Variants in SEMA5A observed in about 807,000 individuals in gnomAD.
SEMA5A encodes semaphorin-5A.
Under a neutral mutation model 135.5 loss-of-function variants are expected in SEMA5A, and 55 were observed. That is an observed-to-expected ratio of 0.41 (90% CI 0.33 to 0.51). The LOEUF is 0.51. Ranked by LOEUF, SEMA5A falls within the 20% of genes least tolerant of loss-of-function variation. The pLI, the probability that SEMA5A is intolerant of heterozygous loss-of-function variation, is 0.37. For missense variants in SEMA5A, 1,290 were observed against 1,419.9 expected, an observed-to-expected ratio of 0.91 and a Z score of 1.47; for synonymous variants, 580 against 546.5, an observed-to-expected ratio of 1.06 and a Z score of -0.85.
intron 16 of SEMA5A, among the ~76,000 whole-genome samples, chr5:9,076,321 CAT>C (rs748793747): frequency 6.6e-5 from 10 of 151,686 alleles, no homozygotes; most frequent in Non-Finnish European, 1.3e-4. Context: ...ACAAATATCA[CAT>C]GTTTTCACTT....
chr5:9,310,102 G>C (rs1752057614), intron 5 of SEMA5A, among the ~76,000 whole-genome samples: 1 of 152,082 alleles, frequency 6.6e-6, no homozygotes. Context: ...TTGAGAACTT[G>C]CCGAGTACTA....
At chr5:9,384,291 C>T (rs1428313880) in intron 2 of SEMA5A, among the ~76,000 whole-genome samples, 1 of 152,056 alleles carries the variant, frequency 6.6e-6, no homozygotes, top group Non-Finnish European at 1.5e-5. Context: ...AATCATGGAG[C>T]TCTTGCCTCT....
At chr5:9,354,972 G>A (rs1445492095) in intron 3 of SEMA5A, among the ~76,000 whole-genome samples, 3 of 152,040 alleles carry the variant, frequency 2.0e-5, no homozygotes, top group Non-Finnish European at 4.4e-5. Context: ...GGAGAGGAGA[G>A]GTGTGAGGGA....
chr5:9,152,004 T>C (rs1025314644), intron 12 of SEMA5A, among the ~76,000 whole-genome samples: 2 of 152,214 alleles, frequency 1.3e-5, no homozygotes, highest in African/African-American at 4.8e-5. Context: ...TTCAGGTGCA[T>C]GAGAGATGCC....
chr5:9,047,612 A>G (rs960033894), intron 21 of SEMA5A, among the ~76,000 whole-genome samples: 2 of 152,230 alleles, frequency 1.3e-5, no homozygotes, highest in Non-Finnish European at 2.9e-5. Flanking sequence ...CAATTGGCTA[A>G]TAATTTCCTG....
chr5:9,421,847 T>C (rs776468875), intron 2 of SEMA5A, among the ~76,000 whole-genome samples: 122 of 152,352 alleles, frequency 8.0e-4, no homozygotes, highest in Non-Finnish European at 1.4e-3. Context: ...AATTTTCTTA[T>C]GGGCTGCTTG....
intron 5 of SEMA5A, among the ~76,000 whole-genome samples, chr5:9,314,115 AT>A (rs748981525): frequency 6.6e-5 from 10 of 152,200 alleles, no homozygotes; most frequent in Non-Finnish European, 2.9e-5. Context: ...TTAAACAATA[AT>A]TTTTAACTTT....
chr5:9,314,771 C>T (rs1022218735), intron 5 of SEMA5A, among the ~76,000 whole-genome samples: 3 of 152,100 alleles, frequency 2.0e-5, no homozygotes, highest in Non-Finnish European at 2.9e-5. Flanking sequence ...TACAGAACTC[C>T]GTACACAGCC....
rs1379452948 is a variant in SEMA5A, at chr5:9,484,034, C to T, written c.-174-46182G>A. ...ATTCACAGAATCATATTCGGGAAGG[C>T]AGGGTCCCAGGAAGTACTAAATCAA... On this transcript the variant is annotated intron_variant, in intron 1 of 22. Coordinates refer to ENST00000382496, the MANE Select transcript of SEMA5A (RefSeq NM_003966.3). Among the ~76,000 whole-genome samples, 3 of 152,294 alleles carry T rather than the reference C, an allele frequency of 2.0e-5. No homozygotes were observed. The East Asian group carries it at 5.8e-4, about 29-fold the overall frequency.
At position 9,041,200 on chromosome 5, in the gene SEMA5A, CAT is replaced by C. The variant is rs1474841486; in HGVS notation, c.*1695_*1696del. 3 of 152,202 alleles carry C rather than the reference CAT, an allele frequency of 2.0e-5. No individual in the cohort carries two copies. Among genetic ancestry groups the C allele is most frequent in the African/African-American group, 7.2e-5 (3 of 41,438 alleles). 9.4% of individuals were successfully genotyped at this position (152,202 alleles called of 1,614,324 possible). A position where few individuals can be genotyped will look rare whatever the true frequency, so the allele number is the denominator to read the frequency against. ...GAACTCAACAATATTCATTATTAAA[CAT>C]AGAATTCTTCTAACACTTTCTGAAA... On this transcript the variant is annotated 3_prime_UTR_variant, in exon 23 of 23. Coordinates refer to ENST00000382496, the MANE Select transcript of SEMA5A (RefSeq NM_003966.3).
intron 16 of SEMA5A, among the ~76,000 whole-genome samples, chr5:9,070,942 T>C (rs1737737691): frequency 6.6e-6 from 1 of 152,206 alleles, no homozygotes; most frequent in Non-Finnish European, 1.5e-5. Context: ...AATATGTATG[T>C]TACAATTTAC....
chr5:9,498,844 T>C (rs1735436061), intron 1 of SEMA5A: 1 of 152,234 alleles, frequency 6.6e-6, no homozygotes, highest in Admixed American at 6.5e-5. Flanking sequence ...TGATTTGGGC[T>C]GGGTTAGGTG....
chr5:9,509,150 G>GC (rs4002391), intron 1 of SEMA5A, among the ~76,000 whole-genome samples: 2 of 151,270 alleles, frequency 1.3e-5, no homozygotes, highest in South Asian at 2.1e-4. Context: ...GTCCACAGGG[G>GC]TGAAGAAAAG....
chr5:9,429,517 T>C (rs1757784626), intron 2 of SEMA5A, among the ~76,000 whole-genome samples: 1 of 152,140 alleles, frequency 6.6e-6, no homozygotes, highest in Non-Finnish European at 1.5e-5. Context: ...ATCTCATGTA[T>C]CAGACAGTGC....
intron 3 of SEMA5A, among the ~76,000 whole-genome samples, chr5:9,341,874 C>T (rs948181093): frequency 6.6e-6 from 1 of 151,438 alleles, no homozygotes; most frequent in Non-Finnish European, 1.5e-5. Context: ...TTCTTAGTTG[C>T]CTTCTCTTAC....
intron 2 of SEMA5A, among the ~76,000 whole-genome samples, chr5:9,414,155 T>C (rs1267401329): frequency 6.6e-6 from 1 of 152,196 alleles, no homozygotes; most frequent in East Asian, 1.9e-4. Flanking sequence ...ACATATAACA[T>C]GTATAAACAG....
At chr5:9,504,453 G>A (rs540071068) in intron 1 of SEMA5A, among the ~76,000 whole-genome samples, 1 of 152,242 alleles carries the variant, frequency 6.6e-6, no homozygotes, top group South Asian at 2.1e-4. Context: ...GAAGTAAGCA[G>A]GGCAAAGTCC....
At chr5:9,238,588 G>A (rs2150454581) in intron 5 of SEMA5A, among the ~76,000 whole-genome samples, 1 of 152,244 alleles carries the variant, frequency 6.6e-6, no homozygotes, top group Non-Finnish European at 1.5e-5. Flanking sequence ...CAAATGAAAT[G>A]TGTGATTAGT....
chr5:9,316,561 T>C (rs1159300965), intron 5 of SEMA5A, among the ~76,000 whole-genome samples: 3 of 152,204 alleles, frequency 2.0e-5, no homozygotes, highest in Non-Finnish European at 2.9e-5. Context: ...ATGAGTATAA[T>C]ATGTAGTTTC....
Sources: allele counts gnomAD v4.1 joint callset (sites outside exome capture counted in the v4.1 genomes callset), GRCh38; gene constraint gnomAD v4.1.1; transcripts MANE v1.5; gene names NCBI Gene and HGNC (gene_info 2026-07-23, HGNC 2026-07-21).